The following USP6NL variants were observed in gnomAD, a reference collection of about 807,000 sequenced individuals.
USP6NL encodes USP6 N-terminal like.
In USP6NL, 26 loss-of-function variants were observed where a neutral mutation model predicts 61.9. That is an observed-to-expected ratio of 0.42 (90% confidence interval 0.31 to 0.58). The LOEUF (loss-of-function observed/expected upper bound fraction) is 0.58. Among genes scored for constraint, USP6NL ranks in the 20% least tolerant of loss-of-function variants. The pLI is 0.16. For missense variants in USP6NL, 1,114 were observed against 1,034.3 expected (o/e 1.08, Z -1.06); for synonymous variants, 432 against 390.1 (o/e 1.11, Z -1.27).
intron 6 of USP6NL, among the ~76,000 whole-genome samples, chr10:11,503,482 A>G (rs1174606465): frequency 4.6e-5 from 7 of 152,172 alleles, no homozygotes; most frequent in Admixed American, 2.0e-4. Context: ...GGGGGTGGAA[A>G]TAAAAAATTA....
At chr10:11,504,879 C>T (rs1834369310) in intron 6 of USP6NL, among the ~76,000 whole-genome samples, 1 of 152,168 alleles carries the variant, frequency 6.6e-6, no homozygotes, top group Non-Finnish European at 1.5e-5. Context: ...AGACAGACTC[C>T]CCAGTGAGCC....
chr10:11,474,706 T>TAAA lies in USP6NL; in HGVS notation c.1078+7061_1078+7063dup, dbSNP rs200777224. On this transcript the variant is annotated intron_variant, in intron 14 of 14. Coordinates refer to ENST00000609104, the MANE Select transcript of USP6NL (RefSeq NM_014688.5). The surrounding 1 kb of genome is among the most constrained non-coding windows in gnomAD (Gnocchi z 4.9). ...TTGTCCTTGAATTAATGATTTTTTT[T>TAAA]AAAAAAAACTTGCATCAACAAATGA... Among the ~76,000 whole-genome samples the TAAA allele has an allele frequency of 2.6e-5, 4 of 151,920 alleles. No individual in the cohort carries two copies. In the East Asian group the frequency reaches 5.8e-4, roughly 22 times the overall value.
rs554231672 is a variant in USP6NL at position 11,556,700 on chromosome 10, A to G, written c.5-29133T>C. Among the ~76,000 whole-genome samples, 7 of 152,368 alleles carry G rather than the reference A, an allele frequency of 4.6e-5. 1 individual carries two copies. In the East Asian group the frequency reaches 9.6e-4, roughly 21 times the overall value. ...TACAAAGTAACATTTTATTGCAACA[A>G]AACAATCAACCCAAGAGGAAGACCT... On this transcript the variant is annotated intron_variant, in intron 2 of 14. Transcript: ENST00000609104.
At chr10:11,527,742 T>C (rs1446006384) in intron 2 of USP6NL, among the ~76,000 whole-genome samples, 175 bp from the exon 3 acceptor site, 1 of 152,128 alleles carries the variant, frequency 6.6e-6, no homozygotes, top group African/African-American at 2.4e-5. Flanking sequence ...GTAATAGCAA[T>C]ACATGTAATA....
chr10:11,518,678 T>C lies in USP6NL; in HGVS notation c.156-104A>G. 1 of 863,872 alleles carries C rather than the reference T, an allele frequency of 1.2e-6. No individual in the cohort carries two copies. The highest frequency in any genetic ancestry group is 2.7e-5 in the Admixed American group (1 of 37,688). The allele number at this position is 863,872 out of a possible 1,614,324, so 53.5% of individuals were successfully genotyped here. A position where few individuals can be genotyped will look rare whatever the true frequency, so the allele number is the denominator to read the frequency against. Reference sequence around the variant, plus strand: ...TATGACATACAATATTTATTTGTCATCACAAGAGTTACATAGGCTTCCATT... The same window carrying C: ...TATGACATACAATATTTATTTGTCACCACAAGAGTTACATAGGCTTCCATT... On this transcript the variant is annotated intron_variant, in intron 4 of 14. Transcript: ENST00000609104. The surrounding 1 kb of genome is among the most constrained non-coding windows in gnomAD (Gnocchi z 5.3).
Position 11,548,312 on chromosome 10 carries a change from T to C in USP6NL, c.5-20745A>G, listed in dbSNP as rs1836357956. On this transcript the variant is annotated intron_variant, in intron 2 of 14. Coordinates refer to ENST00000609104, the MANE Select transcript of USP6NL (RefSeq NM_014688.5). The surrounding 1 kb of genome is among the most constrained non-coding windows in gnomAD (Gnocchi z 4.3). The stretch of plus-strand genomic sequence containing the variant: ...TTTGGTGGGAGAACAGCAGCACTAT[T>C]ACCTCCTTTGATCTGCAAACAAATA... Among the ~76,000 whole-genome samples the C allele has an allele frequency of 6.6e-6, 1 of 152,230 alleles. No individual in the cohort carries two copies. The highest frequency in any genetic ancestry group is 2.4e-5 in the African/African-American group (1 of 41,464).
chr10:11,502,709 T>A (rs953704279), intron 6 of USP6NL, among the ~76,000 whole-genome samples: 1 of 152,206 alleles, frequency 6.6e-6, no homozygotes, highest in Non-Finnish European at 1.5e-5. Flanking sequence ...GAAACTTCGA[T>A]CATGTGGTTG....
rs1021929863 is a variant in USP6NL at position 11,574,377 on chromosome 10, T to C, written c.4+23254A>G. On this transcript the variant is annotated intron_variant, in intron 2 of 14. Coordinates refer to ENST00000609104, the MANE Select transcript of USP6NL (RefSeq NM_014688.5). The surrounding 1 kb of genome is among the most constrained non-coding windows in gnomAD (Gnocchi z 4.3). ...TTCACATGCACACTAGAAATTCCCA[T>C]AGGAGTCTGTAAATTCAATGGTCTC... Among the ~76,000 whole-genome samples, 7 of 152,166 alleles carry C rather than the reference T, an allele frequency of 4.6e-5. No individual in the cohort carries two copies. Among genetic ancestry groups the C allele is most frequent in the East Asian group, 3.8e-4 (2 of 5,202 alleles).
rs1040146773 is a variant in USP6NL, at chr10:11,520,094, T to A, written c.156-1520A>T. 2.6e-5 allele frequency among the ~76,000 whole-genome samples: 4 copies of A among 152,184 alleles called. No individual in the cohort carries two copies. The highest frequency in any genetic ancestry group is 5.9e-5 in the Non-Finnish European group (4 of 68,032). On this transcript the variant is annotated intron_variant, in intron 4 of 14. Transcript: ENST00000609104. This position sits in a 1 kb window ranked among gnomAD's most constrained non-coding sequence, Gnocchi z 5.2. ...TCCAAATCTCTCATTTCACAGATAA[T>A]ACAACTAACATTTTCACTTAGTCGA...
chr10:11,504,099 T>G (rs138095992), intron 6 of USP6NL, among the ~76,000 whole-genome samples: 142 of 152,208 alleles, frequency 9.3e-4, no homozygotes, highest in African/African-American at 3.3e-3. Context: ...AAACAAAACA[T>G]GAACACAAAA....
chr10:11,573,435 C>T (rs1222838933), intron 2 of USP6NL: 6 of 387,528 alleles, frequency 1.5e-5, no homozygotes, highest in Non-Finnish European at 2.7e-5. Context: ...AATAATGAGG[C>T]ATGTTAACAA....
At chr10:11,604,659 T>C (rs1263322626) in intron 1 of USP6NL, among the ~76,000 whole-genome samples, 1 of 152,186 alleles carries the variant, frequency 6.6e-6, no homozygotes, top group South Asian at 2.1e-4. Flanking sequence ...TATAAACTGA[T>C]AAGGGATACA....
At position 11,528,296 on chromosome 10, in the gene USP6NL, T is replaced by C. The variant is rs924688604; in HGVS notation, c.5-729A>G. Among the ~76,000 whole-genome samples the C allele has an allele frequency of 6.7e-6, 1 of 148,446 alleles. No individual in the cohort carries two copies. Among genetic ancestry groups the C allele is most frequent in the African/African-American group, 2.4e-5 (1 of 40,930 alleles). ...TCAATAACAGACTATATAAAAGGCT[T>C]CTCTTACCAAAAAAAAAAAGCATTC... On this transcript the variant is annotated intron_variant, in intron 2 of 14. Coordinates refer to ENST00000609104, the MANE Select transcript of USP6NL (RefSeq NM_014688.5). The surrounding 1 kb of genome is among the most constrained non-coding windows in gnomAD (Gnocchi z 4.6).
intron 2 of USP6NL, among the ~76,000 whole-genome samples, chr10:11,533,057 T>C (rs539211200): frequency 1.3e-5 from 2 of 152,348 alleles, no homozygotes; most frequent in African/African-American, 4.8e-5. Context: ...GAGGCATGCC[T>C]ATGGACATTA....
chr10:11,509,418 G>A (rs549288032), intron 6 of USP6NL, among the ~76,000 whole-genome samples, 177 bp downstream of exon 6: 234 of 152,212 alleles, frequency 1.5e-3, no homozygotes, highest in Middle Eastern at 3.4e-3. Context: ...AATCCGAATC[G>A]GGTATTACGT....
rs1591828394 is a variant in USP6NL at position 11,482,425 on chromosome 10, A to T, written c.926-503T>A. On this transcript the variant is annotated intron_variant, in intron 13 of 14. Coordinates refer to ENST00000609104, the MANE Select transcript of USP6NL (RefSeq NM_014688.5). This position sits in a 1 kb window ranked among gnomAD's most constrained non-coding sequence, Gnocchi z 4.0. ...TCTTGGAAAAAGACATTCAAATTAA[A>T]TATGAACACAAAGCAGAAAGTAAAA... 6.6e-6 allele frequency among the ~76,000 whole-genome samples: 1 copy of T among 152,384 alleles called. No homozygotes were observed. The highest frequency in any genetic ancestry group is 2.1e-4 in the South Asian group (1 of 4,830).
At chr10:11,571,928 C>G (rs1025635674) in intron 2 of USP6NL, among the ~76,000 whole-genome samples, 1 of 149,908 alleles carries the variant, frequency 6.7e-6, no homozygotes, top group Non-Finnish European at 1.5e-5. Flanking sequence ...AGCCATTCTA[C>G]TACTTTAATA....
At chr10:11,601,537 G>T (rs1286084959) in intron 1 of USP6NL, among the ~76,000 whole-genome samples, 3 of 152,108 alleles carry the variant, frequency 2.0e-5, no homozygotes, top group African/African-American at 7.2e-5. Flanking sequence ...GTCTTTGTAT[G>T]AATATATTTT....
intron 2 of USP6NL, among the ~76,000 whole-genome samples, chr10:11,577,625 C>T (rs1328846577): frequency 2.0e-5 from 3 of 151,964 alleles, no homozygotes; most frequent in East Asian, 1.9e-4. Context: ...TTCAGCCTCC[C>T]GAGTAGCTGG....
Sources: gnomAD v4.1 joint callset for allele counts (sites outside exome capture counted in the v4.1 genomes callset) on GRCh38, gnomAD v4.1.1 for gene constraint, Gnocchi (gnomAD v3.1) non-coding constraint, MANE v1.5 for transcripts, NCBI Gene and HGNC (gene_info 2026-07-23, HGNC 2026-07-21) for gene names.